Variants in BAZ2B observed in about 807,000 individuals in gnomAD.
BAZ2B encodes the protein bromodomain adjacent to zinc finger domain 2B.
Under a neutral mutation model 246.0 loss-of-function variants are expected in BAZ2B, and 91 were observed. The observed-to-expected ratio is 0.37, with a 90% CI of 0.31 to 0.44. BAZ2B has a LOEUF of 0.44. BAZ2B is among the 20% of genes least tolerant of loss of function. The pLI is 1.00. For synonymous variants in BAZ2B, 855 were observed against 860.0 expected, an observed-to-expected ratio of 0.99 and a Z score of 0.10; for missense variants, 2,332 against 2,533.7, an observed-to-expected ratio of 0.92 and a Z score of 1.71.
chr2:159,368,027 C>A (rs1300251750), intron 27 of BAZ2B, among the ~76,000 whole-genome samples: 1 of 152,220 alleles, frequency 6.6e-6, no homozygotes, highest in South Asian at 2.1e-4. Flanking sequence ...GTCAGACACA[C>A]TACGTGCTCA....
rs760949898 is a variant in BAZ2B at position 159,347,566 on chromosome 2, C to A, written c.5374G>T (p.Ala1792Ser). 14 of 1,613,502 alleles carry A rather than the reference C, an allele frequency of 8.7e-6. No individual in the cohort carries two copies. Among genetic ancestry groups the A allele is most frequent in the African/African-American group, 1.3e-5 (1 of 74,906 alleles). The change falls in exon 31 of 37, where the codon GCA becomes TCA. Residue 1792 changes from alanine (A) to serine (S), a missense_variant. Around this residue, in one of 9 missense-constraint regions of BAZ2B, gnomAD observed 676 missense variants for 668.6 expected, o/e 1.01. Coordinates refer to ENST00000392783, the MANE Select transcript of BAZ2B (RefSeq NM_013450.4). ...IVENWSVEEQ[A>S]MEMDLSVLQQ... ...AGGACACTCAAATCCATTTCCATTG[C>A]TTGTTCTTCTACTGACCAGTTCTCC... is the stretch of plus-strand genomic sequence containing the variant.
rs111657452 is a variant in BAZ2B at position 159,352,486 on chromosome 2, CTT to C, written c.4214-2131_4214-2130del. On this transcript the variant is annotated intron_variant, in intron 27 of 36. Coordinates refer to ENST00000392783, the MANE Select transcript of BAZ2B (RefSeq NM_013450.4). ...TTTAAAGGCAGAGCAATGTCTATAT[CTT>C]TTTTTTTTTTTTTCTTAGATAGGGT... Among the ~76,000 whole-genome samples, 217 of 143,342 alleles carry C rather than the reference CTT, an allele frequency of 1.5e-3. 1 individual carries two copies. Among genetic ancestry groups the C allele is most frequent in the African/African-American group, 4.9e-3 (191 of 39,314 alleles). 94.0% of individuals were successfully genotyped at this position (143,342 alleles called of 152,430 possible).
chr2:159,438,841 A>G, intron 7 of BAZ2B, 146 bp from the exon 8 acceptor site: 1 of 1,240,106 alleles, frequency 8.1e-7, no homozygotes, highest in South Asian at 1.5e-5. Context: ...TTCGTAAAAG[A>G]AATACCGTAT....
chr2:159,656,648 T>C, the BAZ2B span, among the ~76,000 whole-genome samples: 2 of 152,198 alleles, frequency 1.3e-5, no homozygotes, highest in Admixed American at 6.5e-5. Flanking sequence ...GGTTTCTCCA[T>C]GTCTTTTCAT....
chr2:159,349,842 C>G lies in BAZ2B; in HGVS notation c.4729G>C (p.Asp1577His), dbSNP rs202069948. Residue 1577 changes from aspartate (D) to histidine (H), a missense_variant, in exon 28 of 37, where the codon GAT (aspartate) becomes CAT (histidine). Transcript: ENST00000392783. ...GTCACCAAAGAAGCAGTTGACATAT[C>G]GGCATGAGTAAGTGAAGTGTCATCA... Reference protein sequence around the residue: ...PCDDTSLTHADMSTASLVTPQ... With the variant: ...PCDDTSLTHAHMSTASLVTPQ... 1.2e-6 allele frequency: 2 copies of G among 1,614,174 alleles called. No individual in the cohort carries two copies. The highest frequency in any genetic ancestry group is 1.7e-6 in the Non-Finnish European group (2 of 1,180,016).
At chr2:159,607,155 CT>C (rs1693700241) in intron 1 of BAZ2B, among the ~76,000 whole-genome samples, 1 of 152,078 alleles carries the variant, frequency 6.6e-6, no homozygotes, top group Non-Finnish European at 1.5e-5. Context: ...ACGCCTGGCC[CT>C]CCTTTTTGTC....
At position 159,382,637 on chromosome 2, in the gene BAZ2B, G is replaced by A. The variant is rs773613902; in HGVS notation, c.3927C>T (p.Asp1309=). 4.4e-6 allele frequency: 7 copies of A among 1,579,798 alleles called. No individual in the cohort carries two copies. The highest frequency in any genetic ancestry group is 5.2e-6 in the Non-Finnish European group (6 of 1,160,210). The change falls in exon 25 of 37, where the codon GAC becomes GAT. Residue 1309 remains aspartate (D), a synonymous_variant. Transcript: ENST00000392783. ...YDDDDDDDSD[D]QGDEDDEDEE... ...CATCCTCATCATCTTCATCCCCTTG[G>A]TCATCACTGTCATCGTCATCATCAT...
At chr2:159,451,373 T>C (rs1022865098) in intron 4 of BAZ2B, among the ~76,000 whole-genome samples, 1 of 152,156 alleles carries the variant, frequency 6.6e-6, no homozygotes, top group Non-Finnish European at 1.5e-5. Flanking sequence ...CCTAGTAATA[T>C]CTTCCTGTTG....
At chr2:159,316,336 C>T (rs1320808898), downstream of BAZ2B, among the ~76,000 whole-genome samples, 1 of 152,106 alleles carries the variant, frequency 6.6e-6, no homozygotes, top group Non-Finnish European at 1.5e-5. Flanking sequence ...AAGCAAGATT[C>T]CCAGCAGATA....
the BAZ2B span, among the ~76,000 whole-genome samples, chr2:159,656,173 C>G: frequency 1.5e-4 from 23 of 152,082 alleles, no homozygotes; most frequent in African/African-American, 5.6e-4. Context: ...TCTGATTATT[C>G]TTTTAAAAAT....
At chr2:159,316,658 C>G (rs1409039091), downstream of BAZ2B, among the ~76,000 whole-genome samples, 6 of 132,834 alleles carry the variant, frequency 4.5e-5, no homozygotes, top group Admixed American at 5.2e-4. Context: ...CCACTGTACT[C>G]CAGCCTGGGT....
At chr2:159,637,727 T>A in the BAZ2B span, among the ~76,000 whole-genome samples, 4 of 152,048 alleles carry the variant, frequency 2.6e-5, no homozygotes, top group African/African-American at 4.8e-5. Flanking sequence ...CCGAGTAATT[T>A]TTTTTGTATT....
rs567964390 is a variant in BAZ2B at position 159,329,136 on chromosome 2, G to GAAAA, written c.5944-3222_5944-3219dup. ...ACAGAGTGAGACTCTGTCTTAATAG[G>GAAAA]AAAAAAAAAAAAAAAAAGAAAATAT... On this transcript the variant is annotated intron_variant, in intron 34 of 36. Coordinates refer to ENST00000392783, the MANE Select transcript of BAZ2B (RefSeq NM_013450.4). Among the ~76,000 whole-genome samples, 90 of 73,460 alleles carry GAAAA rather than the reference G, an allele frequency of 1.2e-3. No homozygotes were observed. In the South Asian group the frequency reaches 0.03, roughly 24 times the overall value. The allele number at this position is 73,460 out of a possible 152,430, so 48.2% of individuals were successfully genotyped here. A position where few individuals can be genotyped will look rare whatever the true frequency, so the allele number is the denominator to read the frequency against.
chr2:159,369,365 C>T (rs1257882381), intron 27 of BAZ2B, among the ~76,000 whole-genome samples: 1 of 152,164 alleles, frequency 6.6e-6, no homozygotes. Flanking sequence ...GAATTGTATA[C>T]AGTCTTGAAT....
rs1328217503 is a variant in BAZ2B at position 159,431,108 on chromosome 2, T to C, written c.1949A>G (p.Asp650Gly). 2 of 1,612,416 alleles carry C rather than the reference T, an allele frequency of 1.2e-6. No individual in the cohort carries two copies. The highest frequency in any genetic ancestry group is 1.7e-6 in the Non-Finnish European group (2 of 1,178,664). The change falls in exon 10 of 37, where the codon GAT becomes GGT. Residue 650 changes from aspartate to glycine, a missense_variant. Physicochemically the swap from Asp to Gly is moderately conservative, Grantham distance 94. Around this residue, in one of 9 missense-constraint regions of BAZ2B, gnomAD observed 651 missense variants for 650.9 expected, o/e 1.00. Coordinates refer to ENST00000392783, the MANE Select transcript of BAZ2B (RefSeq NM_013450.4). ...ESDTEGSEEE[D>G]DDDKDQDESD... ...TTCATCTTGGTCTTTATCATCATCA[T>C]CTTCTTCTTCTGATCCTTCTGTATC...
chr2:159,538,340 A>C (rs376821726), intron 2 of BAZ2B, among the ~76,000 whole-genome samples: 1 of 152,186 alleles, frequency 6.6e-6, no homozygotes, highest in Non-Finnish European at 1.5e-5. Context: ...GTATATATGA[A>C]ATATTTGCAC....
At chr2:159,560,682 C>T (rs1426383820) in intron 1 of BAZ2B, among the ~76,000 whole-genome samples, 2 of 151,952 alleles carry the variant, frequency 1.3e-5, no homozygotes, top group African/African-American at 4.8e-5. Context: ...CGCCCACCAC[C>T]ACGCCCAGCT....
At chr2:159,330,632 G>A (rs760041997) in intron 34 of BAZ2B, among the ~76,000 whole-genome samples, 24 of 151,956 alleles carry the variant, frequency 1.6e-4, no homozygotes, top group Admixed American at 2.6e-4. Context: ...GCTGTAGTGC[G>A]AGGATCAGCT....
intron 31 of BAZ2B, among the ~76,000 whole-genome samples, chr2:159,338,227 T>C (rs2065993623): frequency 6.6e-6 from 1 of 152,152 alleles, no homozygotes; most frequent in Non-Finnish European, 1.5e-5. Flanking sequence ...CTGTATTGCT[T>C]TTCTTTTGCT....
Sources: allele counts gnomAD v4.1 joint callset (sites outside exome capture counted in the v4.1 genomes callset), GRCh38; gene constraint gnomAD v4.1.1; regional missense constraint gnomAD v4.1.1; transcripts MANE v1.5; gene names NCBI Gene and HGNC (gene_info 2026-07-23, HGNC 2026-07-21).